HS6ST2: variants seen among roughly 807,000 people sequenced by gnomAD.
HS6ST2 encodes heparan sulfate 6-O-sulfotransferase 2, also known as heparan-sulfate 6-O-sulfotransferase 2.
In HS6ST2, 17 loss-of-function variants were observed where a neutral mutation model predicts 33.0. That is an observed-to-expected ratio of 0.52 (90% CI 0.35 to 0.77). HS6ST2 has a LOEUF of 0.77. HS6ST2 is among the 30% of genes least tolerant of loss of function. The pLI is 0.01. For missense variants in HS6ST2, 519 were observed against 551.7 expected (o/e 0.94, Z 0.59); for synonymous variants, 248 against 237.1 (o/e 1.05, Z -0.42).
At chrX:132,956,730 C>T in intron 2 of HS6ST2, 78 bp downstream of exon 2, 1 of 1,071,648 alleles carries the variant, frequency 9.3e-7, no homozygotes, top group South Asian at 2.4e-5. Context: ...CGCTAGGTCC[C>T]CGGCTTGGGC....
intron 2 of HS6ST2, among the ~76,000 whole-genome samples, chrX:132,778,366 C>CA (rs1313359080): frequency 7.2e-5 from 8 of 111,208 alleles, no homozygotes; most frequent in Non-Finnish European, 1.3e-4. Flanking sequence ...CTGGATTGAG[C>CA]AAAAAACGTT....
rs145955585 is a variant in HS6ST2, at chrX:132,671,063, G to A, written c.981-1864C>T. 3.6e-3 allele frequency among the ~76,000 whole-genome samples: 408 copies of A among 112,382 alleles called. 3 individuals are homozygous for A. Among genetic ancestry groups the A allele is most frequent in the African/African-American group, 0.012 (382 of 31,014 alleles). ...TGTGGCCACATTCTGAGTGGGGACT[G>A]AAGAATTCATTTGGTGCTGCCTCTA... On this transcript the variant is annotated intron_variant, in intron 3 of 4. Coordinates refer to ENST00000370833, the MANE Select transcript of HS6ST2 (RefSeq NM_001394073.1).
At chrX:132,759,019 T>C (rs5977748) in intron 2 of HS6ST2, among the ~76,000 whole-genome samples, 55,716 of 110,338 alleles carry the variant, frequency 0.5, 10,424 homozygotes, top group African/African-American at 0.57. Context: ...GCTGCAGAAA[T>C]AGACAACCAG....
chrX:132,720,972 C>T (rs749906074), intron 2 of HS6ST2, among the ~76,000 whole-genome samples: 9 of 111,556 alleles, frequency 8.1e-5, no homozygotes, highest in Non-Finnish European at 1.5e-4. Flanking sequence ...GGTCCCAATA[C>T]GATAATAATC....
chrX:132,727,603 GTGTTT>G (rs779796388), intron 2 of HS6ST2, among the ~76,000 whole-genome samples: 1 of 111,210 alleles, frequency 9.0e-6, no homozygotes, highest in Non-Finnish European at 1.9e-5. Flanking sequence ...ACGGATTCAG[GTGTTT>G]TGTTTTGTTT....
At chrX:132,721,910 C>A (rs1349755439) in intron 2 of HS6ST2, among the ~76,000 whole-genome samples, 2 of 111,230 alleles carry the variant, frequency 1.8e-5, no homozygotes, top group African/African-American at 6.5e-5. Flanking sequence ...GAGAAACGGC[C>A]GGGCGCGGTG....
At chrX:132,880,833 T>C (rs1304880667) in intron 2 of HS6ST2, among the ~76,000 whole-genome samples, 12 of 101,052 alleles carry the variant, frequency 1.2e-4, no homozygotes, top group Non-Finnish European at 2.0e-4. Context: ...TGTGTCCAAG[T>C]GTACTCATTG....
intron 2 of HS6ST2, among the ~76,000 whole-genome samples, chrX:132,885,446 G>A (rs1033000400): frequency 1.8e-5 from 2 of 111,444 alleles, no homozygotes; most frequent in Admixed American, 9.6e-5. Context: ...TATACTGTGT[G>A]GCCGACATCT....
intron 4 of HS6ST2, among the ~76,000 whole-genome samples, chrX:132,654,980 C>T (rs1029932045): frequency 8.0e-5 from 9 of 112,101 alleles, no homozygotes; most frequent in Non-Finnish European, 1.7e-4. Context: ...CCAGCTGCAC[C>T]TTTCTTACAA....
rs1430599071 is a variant in HS6ST2 at position 132,627,664 on chromosome X, A to G, written c.*559T>C. 2 of 112,303 alleles carry G rather than the reference A, an allele frequency of 1.8e-5. No individual in the cohort carries two copies. The highest frequency in any genetic ancestry group is 6.5e-5 in the African/African-American group (2 of 30,913). 9.3% of individuals were successfully genotyped at this position (112,303 alleles called of 1,213,427 possible). A position where few individuals can be genotyped will look rare whatever the true frequency, so the allele number is the denominator to read the frequency against. On this transcript the variant is annotated 3_prime_UTR_variant, in exon 5 of 5. Coordinates refer to ENST00000370833, the MANE Select transcript of HS6ST2 (RefSeq NM_001394073.1). ...GACATAAAACTACCCATGTTTGGAG[A>G]GGAATTTTTTATTTTCTACAGCTCG...
intron 2 of HS6ST2, among the ~76,000 whole-genome samples, chrX:132,727,806 CCTCAG>C (rs1045901746): frequency 9.0e-5 from 10 of 111,344 alleles, no homozygotes; most frequent in Non-Finnish European, 1.7e-4. Flanking sequence ...TCCACCCTCC[CCTCAG>C]CTCCTGGCAA....
intron 2 of HS6ST2, among the ~76,000 whole-genome samples, chrX:132,773,521 A>T (rs989137760): frequency 9.0e-6 from 1 of 111,004 alleles, no homozygotes; most frequent in Non-Finnish European, 1.9e-5. Context: ...AAAAACCTCT[A>T]TATGAATGCT....
At chrX:132,820,918 T>C (rs1316676099) in intron 2 of HS6ST2, among the ~76,000 whole-genome samples, 1 of 110,299 alleles carries the variant, frequency 9.1e-6, no homozygotes, top group African/African-American at 3.3e-5. Context: ...GTTTCTACCC[T>C]CCACAGCCCA....
intron 4 of HS6ST2, among the ~76,000 whole-genome samples, chrX:132,633,109 A>AGAG (rs1377746593): frequency 9.5e-6 from 1 of 105,060 alleles, no homozygotes; most frequent in Non-Finnish European, 1.9e-5. Flanking sequence ...AGTCAAGGAG[A>AGAG]GAGGAAAGGA....
intron 2 of HS6ST2, among the ~76,000 whole-genome samples, chrX:132,921,268 G>A (rs1452830589): frequency 8.9e-6 from 1 of 111,963 alleles, no homozygotes; most frequent in Non-Finnish European, 1.9e-5. Flanking sequence ...CTGGGAGATT[G>A]TTAAAAATGC....
chrX:132,729,464 C>T (rs1436287689), intron 2 of HS6ST2, among the ~76,000 whole-genome samples: 2 of 110,900 alleles, frequency 1.8e-5, no homozygotes, highest in Non-Finnish European at 3.8e-5. Flanking sequence ...CTGGTGGTCC[C>T]CAGAATCATT....
chrX:132,668,285 G>A (rs2063825181), intron 4 of HS6ST2: 1 of 111,329 alleles, frequency 9.0e-6, no homozygotes, highest in Non-Finnish European at 1.9e-5. Flanking sequence ...TGCAGGCTGG[G>A]TGCTCTTTCT....
intron 2 of HS6ST2, among the ~76,000 whole-genome samples, chrX:132,831,334 C>G (rs1292228550): frequency 9.0e-6 from 1 of 111,240 alleles, no homozygotes; most frequent in Non-Finnish European, 1.9e-5. Flanking sequence ...TTAACTAACC[C>G]TGGCATCGGT....
At chrX:132,838,279 C>T (rs761303774) in intron 2 of HS6ST2, among the ~76,000 whole-genome samples, 1 of 111,613 alleles carries the variant, frequency 9.0e-6, no homozygotes, top group African/African-American at 3.3e-5. Context: ...CAGTTCTGTC[C>T]GGAAAGATGT....
Sources: gnomAD v4.1 joint callset for allele counts (sites outside exome capture counted in the v4.1 genomes callset) on GRCh38, gnomAD v4.1.1 for gene constraint, MANE v1.5 for transcripts, NCBI Gene and HGNC (gene_info 2026-07-23, HGNC 2026-07-21) for gene names.